CES3: variants seen among roughly 807,000 people sequenced by gnomAD.
CES3 encodes the protein carboxylesterase 3, also known as carboxylesterase 3 (brain).
CES3 carries 49 observed loss-of-function variants against 57.6 expected under a neutral mutation model. The observed-to-expected ratio is 0.85, with a 90% CI of 0.68 to 1.08. The LOEUF (loss-of-function observed/expected upper bound fraction) is 1.08. CES3 is among the 50% of genes least tolerant of loss of function. CES3 has a pLI of 0.00. For missense variants in CES3, 645 were observed against 742.0 expected, an observed-to-expected ratio of 0.87 and a Z score of 1.52; for synonymous variants, 266 against 281.6, an observed-to-expected ratio of 0.94 and a Z score of 0.55.
rs1963688476 is a variant in CES3 at position 66,963,727 on chromosome 16, G to C, written c.427-75G>C. On this transcript the variant is annotated intron_variant, in intron 3 of 12. Coordinates refer to ENST00000303334, the MANE Select transcript of CES3 (RefSeq NM_024922.6). The surrounding 1 kb of genome is among the most constrained non-coding windows in gnomAD (Gnocchi z 4.9). ...TTCCAAAGCACCCTAGCGGTCCTGA[G>C]ACTGCCTGGGCTGGCAGGTGGGCAG... The C allele has an allele frequency of 2.5e-6, 4 of 1,610,970 alleles. No homozygotes were observed. Among genetic ancestry groups the C allele is most frequent in the Non-Finnish European group, 3.4e-6 (4 of 1,177,630 alleles).
Position 66,971,346 on chromosome 16 carries a change from A to G in CES3, c.1291+27A>G, listed in dbSNP as rs1259154943. On this transcript the variant is annotated intron_variant, in intron 10 of 12. Transcript: ENST00000303334. ...TAAGCCTGTCCCTGGCCACCTGCCC[A>G]ACCCCTCCCACTTGGGCCCAGGAGC... The G allele has an allele frequency of 1.8e-5, 29 of 1,603,634 alleles. No individual in the cohort carries two copies. The Admixed American group carries it at 4.9e-4, about 27-fold the overall frequency.
intron 8 of CES3, chr16:66,967,414 C>T (rs888814456): frequency 5.0e-6 from 4 of 794,882 alleles, no homozygotes; most frequent in African/African-American, 3.7e-5. Context: ...CACTGCTGAT[C>T]TGGGCAGCAT....
At chr16:66,969,574 GATGAGTTTCTGGCC>G in intron 8 of CES3, 91 bp from the exon 9 acceptor site, 1 of 1,100,710 alleles carries the variant, frequency 9.1e-7, no homozygotes. Context: ...AGTGCTCCAT[GATGAGTTTCTGGCC>G]TCAGGACCGT....
chr16:66,972,682 A>G lies in CES3; in HGVS notation c.1456A>G (p.Thr486Ala). ...CACCTTTCCAGCCTTTCCAGAGGCC[A>G]CAGAGGAGGAGAAGCAGCTAAGCCT... ...ESSRLAFPEA[T>A]EEEKQLSLTM... The change falls in exon 12 of 13, where the codon ACA (threonine) becomes GCA (alanine). Residue 486 changes from threonine to alanine, a missense_variant. By Grantham distance (58) the Thr-to-Ala change is moderately conservative (BLOSUM62 0). Transcript: ENST00000303334. 6.2e-7 allele frequency: 1 copy of G among 1,614,148 alleles called. No homozygotes were observed. Among genetic ancestry groups the G allele is most frequent in the Non-Finnish European group, 8.5e-7 (1 of 1,180,022 alleles).
intron 8 of CES3, chr16:66,968,021 A>G (rs1963763945): frequency 6.5e-6 from 1 of 153,042 alleles, no homozygotes; most frequent in Admixed American, 6.5e-5. Flanking sequence ...GACCTCCCAC[A>G]GTGCTGGGAT....
Position 66,972,510 on chromosome 16 carries a change from GGACA to G in CES3, c.1441+18_1441+21del, listed in dbSNP as rs1963854469. 3.7e-6 allele frequency: 6 copies of G among 1,611,198 alleles called. No individual in the cohort carries two copies. The highest frequency in any genetic ancestry group is 3.4e-5 in the Admixed American group (2 of 59,532). ...TGGACGAGAGCTCCCGCCTGGGTGA[GGACA>G]GACAGACAGACATGTGATCCCTAGG... On this transcript the variant is annotated splice_donor_region_variant and intron_variant, in intron 11 of 12. Transcript: ENST00000303334.
At chr16:66,966,199 G>T in intron 6 of CES3, 45 bp from the exon 7 acceptor site, 4 of 1,567,782 alleles carry the variant, frequency 2.6e-6, no homozygotes, top group Non-Finnish European at 1.7e-6. Context: ...GCAAGGTGGG[G>T]CTGAGTGGCT....
In CES3 at chr16:66,966,330, C is replaced by T; in HGVS notation, c.906C>T (p.Val302=). The change falls in exon 7 of 13, where the codon GTC becomes GTT. Residue 302 remains valine (V), a synonymous_variant. Transcript: ENST00000303334. ...CLQQKEGEEL[V]LSKKLKNTIY... is the part of the protein sequence containing the mutation. Reference sequence around the variant, plus strand: ...AGCAGAAAGAAGGAGAAGAGCTGGTCCTTAGCAAGAAGCTGGTATGGCCAC... The same window carrying T: ...AGCAGAAAGAAGGAGAAGAGCTGGTTCTTAGCAAGAAGCTGGTATGGCCAC... 6.2e-7 allele frequency: 1 copy of T among 1,613,654 alleles called. No individual in the cohort carries two copies. The highest frequency in any genetic ancestry group is 2.2e-5 in the East Asian group (1 of 44,864).
chr16:66,961,849 C>A (rs1356447584), intron 1 of CES3, among the ~76,000 whole-genome samples: 1 of 152,154 alleles, frequency 6.6e-6, no homozygotes, highest in Non-Finnish European at 1.5e-5. Context: ...CAGGCGTGAG[C>A]CACCGCACCT....
Position 66,964,521 on chromosome 16 carries a change from A to G in CES3, c.714+11A>G, listed in dbSNP as rs1321195452. ...ATCATCTCTGGCCTGGTAAGTCACT[A>G]TAGGGGGCTAGTGATGGTGGCCAGG... On this transcript the variant is annotated intron_variant, in intron 5 of 12. Coordinates refer to ENST00000303334, the MANE Select transcript of CES3 (RefSeq NM_024922.6). 6.2e-7 allele frequency: 1 copy of G among 1,613,522 alleles called. No homozygotes were observed. The highest frequency in any genetic ancestry group is 1.7e-5 in the Admixed American group (1 of 59,948).
Position 66,963,605 on chromosome 16 carries a change from G to T in CES3, c.402G>T (p.Glu134Asp). Residue 134 changes from glutamate (E) to aspartate (D), a missense_variant, in exon 3 of 13, where the codon GAG becomes GAT. Glu to Asp is a conservative substitution (Grantham distance 45, BLOSUM62 2). Coordinates refer to ENST00000303334, the MANE Select transcript of CES3 (RefSeq NM_024922.6). The surrounding 1 kb of genome is among the most constrained non-coding windows in gnomAD (Gnocchi z 4.9). ...CLVLNVYSPAEVPAGSGRPVM... is the reference protein window; with the variant it reads ...CLVLNVYSPADVPAGSGRPVM... ...TCCTCAACGTCTATAGCCCAGCTGA[G>T]GTCCCCGCAGGGTCCGGTAGGCCGG... is the stretch of plus-strand genomic sequence containing the variant. 1 of 1,614,182 alleles carries T rather than the reference G, an allele frequency of 6.2e-7. No individual in the cohort carries two copies. Among genetic ancestry groups the T allele is most frequent in the Non-Finnish European group, 8.5e-7 (1 of 1,180,032 alleles).
In CES3 at chr16:66,972,691, G is replaced by A. The variant is rs536521430; in HGVS notation, c.1465G>A (p.Glu489Lys). ...AGCCTTTCCAGAGGCCACAGAGGAG[G>A]AGAAGCAGCTAAGCCTCACCATGAT... ...RLAFPEATEE[E>K]KQLSLTMMAQ... The change falls in exon 12 of 13, where the codon GAG becomes AAG. Residue 489 changes from glutamate to lysine, a missense_variant. Glu to Lys is a moderately conservative substitution (Grantham distance 56). Coordinates refer to ENST00000303334, the MANE Select transcript of CES3 (RefSeq NM_024922.6). 2.9e-5 allele frequency: 47 copies of A among 1,614,228 alleles called. 1 individual carries two copies. The South Asian group carries it at 4.9e-4, about 17-fold the overall frequency.
intron 9 of CES3, 138 bp from the exon 10 acceptor site, chr16:66,971,034 C>A: frequency 1.1e-6 from 1 of 906,152 alleles, no homozygotes. Context: ...CCCAGGGAGG[C>A]AGAGAGGCAG....
chr16:66,967,387 C>T, intron 8 of CES3: 2 of 522,288 alleles, frequency 3.8e-6, no homozygotes, highest in Non-Finnish European at 4.9e-6. Context: ...GGTTTTTGCA[C>T]AAACTGGCCT....
chr16:66,966,198 G>A (rs745420150), intron 6 of CES3, 46 bp from the exon 7 acceptor site: 3 of 1,565,912 alleles, frequency 1.9e-6, no homozygotes, highest in Non-Finnish European at 2.6e-6. Context: ...TGCAAGGTGG[G>A]GCTGAGTGGC....
chr16:66,964,074 C>T (rs1963694377), intron 4 of CES3, 139 bp downstream of exon 4: 1 of 1,313,334 alleles, frequency 7.6e-7, no homozygotes, highest in African/African-American at 1.5e-5. Context: ...AGAAGGGCAC[C>T]CCCCAAGCCT....
chr16:66,962,245 T>C (rs991788741), intron 1 of CES3, among the ~76,000 whole-genome samples: 1 of 151,908 alleles, frequency 6.6e-6, no homozygotes, highest in Non-Finnish European at 1.5e-5. Context: ...AAGGAGGTGG[T>C]TGGGTATGGC....
chr16:66,964,679 C>T lies in CES3; in HGVS notation c.771C>T (p.Val257=). ...ACAGAGCCATCACACAGAGTGGGGT[C>T]ATCACCACCCCAGGGATCATCGACT... ...LFHRAITQSG[V]ITTPGIIDSH... Residue 257 remains valine (V), a synonymous_variant, in exon 6 of 13, where the codon GTC becomes GTT. Transcript: ENST00000303334. 6.2e-7 allele frequency: 1 copy of T among 1,614,052 alleles called. No individual in the cohort carries two copies. Among genetic ancestry groups the T allele is most frequent in the Non-Finnish European group, 8.5e-7 (1 of 1,179,996 alleles).
At position 66,963,519 on chromosome 16, in the gene CES3, A is replaced by G; in HGVS notation, c.316A>G (p.Ser106Gly). Residue 106 changes from serine (S) to glycine (G), a missense_variant, in exon 3 of 13, where the codon AGC becomes GGC. Ser to Gly is a moderately conservative substitution (Grantham distance 56, BLOSUM62 0). Coordinates refer to ENST00000303334, the MANE Select transcript of CES3 (RefSeq NM_024922.6). This position sits in a 1 kb window ranked among gnomAD's most constrained non-coding sequence, Gnocchi z 4.9. ...CCTACAAGACGTGGAGAGCATGAAC[A>G]GCAGCAGATTTGTCCTCAACGGAAA... is the stretch of plus-strand genomic sequence containing the variant. ...MCLQDVESMN[S>G]SRFVLNGKQQ... 2.5e-6 allele frequency: 4 copies of G among 1,614,118 alleles called. No homozygotes were observed. The highest frequency in any genetic ancestry group is 3.4e-6 in the Non-Finnish European group (4 of 1,179,952).
Sources: allele counts gnomAD v4.1 joint callset (sites outside exome capture counted in the v4.1 genomes callset), GRCh38; gene constraint gnomAD v4.1.1; non-coding constraint Gnocchi (gnomAD v3.1); transcripts MANE v1.5; gene names NCBI Gene and HGNC (gene_info 2026-07-23, HGNC 2026-07-21).